The following TRANK1 variants were observed in gnomAD, a reference collection of about 807,000 sequenced individuals.
TRANK1 encodes the protein TPR and ankyrin repeat-containing protein 1.
Under a neutral mutation model 266.0 loss-of-function variants are expected in TRANK1, and 198 were observed. The ratio of observed to expected loss-of-function variants is 0.74; its 90% CI spans 0.66 to 0.84. The LOEUF (loss-of-function observed/expected upper bound fraction) is 0.84. Among genes scored for constraint, TRANK1 ranks in the 40% least tolerant of loss-of-function variants. The pLI, the probability that TRANK1 is intolerant of heterozygous loss-of-function variation, is 0.00. For synonymous variants in TRANK1, 1,396 were observed against 1,384.1 expected, an observed-to-expected ratio of 1.01 and a Z score of -0.19; for missense variants, 3,326 against 3,634.6, an observed-to-expected ratio of 0.92 and a Z score of 2.18.
Position 36,832,492 on chromosome 3 carries a change from G to A in TRANK1, c.7091C>T (p.Ala2364Val), listed in dbSNP as rs2078710301. The A allele has an allele frequency of 6.2e-7, 1 of 1,613,910 alleles. No homozygotes were observed. Among genetic ancestry groups the A allele is most frequent in the African/African-American group, 1.3e-5 (1 of 74,986 alleles). Residue 2364 changes from alanine to valine, a missense_variant, in exon 22 of 24, where the codon GCT becomes GTT. Physicochemically the swap from Ala to Val is moderately conservative, Grantham distance 64. Transcript: ENST00000645898. ...EEDNYNRELKALESEKDERGR... is the reference protein window; with the variant it reads ...EEDNYNRELKVLESEKDERGR... ...CCTTTCATCCTTTTCAGACTCTAGA[G>A]CTTTGAGTTCCCTGTTGTAGTTGTC...
At chr3:36,914,642 T>C (rs773596418) in intron 1 of TRANK1, among the ~76,000 whole-genome samples, 1 of 152,054 alleles carries the variant, frequency 6.6e-6, no homozygotes, top group Admixed American at 6.5e-5. Context: ...TATTTATTTA[T>C]TTATTTATTT....
chr3:36,849,712 A>G (rs1329421663), intron 15 of TRANK1, among the ~76,000 whole-genome samples: 1 of 152,206 alleles, frequency 6.6e-6, no homozygotes, highest in Non-Finnish European at 1.5e-5. Flanking sequence ...GATATATGGG[A>G]CCTGTCTTTC....
At position 36,856,580 on chromosome 3, in the gene TRANK1, C is replaced by T; in HGVS notation, c.3142G>A (p.Val1048Met). Residue 1048 changes from valine (V) to methionine (M), a missense_variant, in exon 13 of 24, where the codon GTG becomes ATG. By Grantham distance (21) the Val-to-Met change is conservative. Coordinates refer to ENST00000645898, the MANE Select transcript of TRANK1 (RefSeq NM_001329998.2). The part of the protein sequence containing the change: ...FNILNDTTAT[V>M]EYPFRVGELE... ...TCACCCACCCGGAAGGGGTACTCCA[C>T]TGTGGCTGTCGTGTCATTGAGGATG... 6.2e-7 allele frequency: 1 copy of T among 1,614,040 alleles called. No homozygotes were observed. Among genetic ancestry groups the T allele is most frequent in the Non-Finnish European group, 8.5e-7 (1 of 1,179,902 alleles).
chr3:36,944,953 G>A lies in TRANK1; in HGVS notation c.-144C>T. On this transcript the variant is annotated 5_prime_UTR_variant, in exon 1 of 24. Transcript: ENST00000645898. ...GCGCGATGCAGAGGCGGCGTTCGGG[G>A]GCCCCCAGCTGCCTGCGGCTCGGCT... 1 of 857,938 alleles carries A rather than the reference G, an allele frequency of 1.2e-6. No homozygotes were observed. The highest frequency in any genetic ancestry group is 1.6e-6 in the Non-Finnish European group (1 of 619,158). The allele number at this position is 857,938 out of a possible 1,614,324, so 53.1% of individuals were successfully genotyped here.
chr3:36,890,781 G>A (rs2079681058), intron 7 of TRANK1, among the ~76,000 whole-genome samples: 3 of 152,148 alleles, frequency 2.0e-5, no homozygotes, highest in Admixed American at 2.0e-4. Context: ...CTCTTTGGAT[G>A]CCAATTTGTC....
In TRANK1 at chr3:36,861,047, C is replaced by A. The variant is rs2079135624; in HGVS notation, c.1354G>T (p.Val452Leu). ...TCCCCAAGCGGTGGTTCTCCACTTA[C>A]TTTGCGGGTCAGCAGCAGAAGCACC... is the stretch of plus-strand genomic sequence containing the variant. ...PEVLLLLTRK[V>L]SGEPPLGDCL... The change falls in exon 11 of 24, where the codon GTA (valine) becomes TTA (leucine). Residue 452 changes from valine to leucine, a missense_variant. Physicochemically the swap from Val to Leu is conservative, Grantham distance 32. Transcript: ENST00000645898. The A allele has an allele frequency of 6.5e-6, 10 of 1,537,734 alleles. No individual in the cohort carries two copies. The highest frequency in any genetic ancestry group is 1.7e-4 in the Middle Eastern group (1 of 6,018).
chr3:36,848,842 C>A (rs1220517161), intron 15 of TRANK1, among the ~76,000 whole-genome samples: 1 of 152,118 alleles, frequency 6.6e-6, no homozygotes, highest in Non-Finnish European at 1.5e-5. Flanking sequence ...TGAGAGGATC[C>A]TCCTGGCAGG....
chr3:36,851,580 C>T, intron 15 of TRANK1, 139 bp downstream of exon 15: 1 of 1,257,462 alleles, frequency 8.0e-7, no homozygotes, highest in Non-Finnish European at 1.1e-6. Context: ...AAACCTCATA[C>T]TGAATGAATG....
At chr3:36,917,901 G>A (rs2080148545) in intron 1 of TRANK1, among the ~76,000 whole-genome samples, 1 of 152,150 alleles carries the variant, frequency 6.6e-6, no homozygotes, top group African/African-American at 2.4e-5. Flanking sequence ...AGCTAGATTA[G>A]CTAAAAGTCT....
Position 36,828,376 on chromosome 3 carries a change from C to A in TRANK1, c.8810-1G>T. On this transcript the variant is annotated splice_acceptor_variant, in intron 23 of 23. Transcript: ENST00000645898. LOFTEE classifies it high-confidence loss of function. ...TCATAATCATCTTCCTGAACAATAC[C>A]TGAAGAAAGAAAGAAGGAAGGAAGG... The A allele has an allele frequency of 1.5e-6, 2 of 1,340,202 alleles. No homozygotes were observed. The highest frequency in any genetic ancestry group is 2.0e-6 in the Non-Finnish European group (2 of 1,004,214). 83.0% of individuals were successfully genotyped at this position (1,340,202 alleles called of 1,614,324 possible).
intron 20 of TRANK1, among the ~76,000 whole-genome samples, chr3:36,837,341 T>C (rs577595639): frequency 5.4e-4 from 82 of 152,276 alleles, no homozygotes; most frequent in African/African-American, 1.9e-3. Context: ...GTAGGCAGCA[T>C]CTGGAGGGCC....
intron 1 of TRANK1, among the ~76,000 whole-genome samples, chr3:36,916,936 C>T (rs2080134811): frequency 6.6e-6 from 1 of 152,062 alleles, no homozygotes. Context: ...CTGCCTCAGC[C>T]TCCCAGGTAG....
chr3:36,855,656 C>A lies in TRANK1; in HGVS notation c.4066G>T (p.Gly1356Cys). The change falls in exon 13 of 24, where the codon GGT becomes TGT. Residue 1356 changes from glycine to cysteine, a missense_variant. Coordinates refer to ENST00000645898, the MANE Select transcript of TRANK1 (RefSeq NM_001329998.2). ...GGACAGCTGAGGGCCTCAAAAGAAC[C>A]CTTTAGAAAAGATTTTATTTCTTTC... is the stretch of plus-strand genomic sequence containing the variant. ...IWKEIKSFLK[G>C]SFEALSCPHG... The A allele has an allele frequency of 6.2e-7, 1 of 1,613,850 alleles. No individual in the cohort carries two copies. The highest frequency in any genetic ancestry group is 2.2e-5 in the East Asian group (1 of 44,866).
intron 1 of TRANK1, among the ~76,000 whole-genome samples, chr3:36,932,814 A>G (rs1265087577): frequency 6.6e-6 from 1 of 152,164 alleles, no homozygotes; most frequent in Admixed American, 6.5e-5. Flanking sequence ...GAACTATGAG[A>G]GAGTACATTT....
rs1553624280 is a variant in TRANK1 at position 36,879,703 on chromosome 3, A to AATATAAATATATAAATATATAAATAT, written c.908-5433_908-5408dup. On this transcript the variant is annotated intron_variant, in intron 8 of 23. Transcript: ENST00000645898. ...ATAAATATATAAATATATAAATATA[A>AATATAAATATATAAATATATAAATAT]ATATAAATATATAAATATATAAATA... 4.2e-4 allele frequency among the ~76,000 whole-genome samples: 25 copies of AATATAAATATATAAATATATAAATAT among 59,890 alleles called. 3 individuals are homozygous for AATATAAATATATAAATATATAAATAT. Among genetic ancestry groups the AATATAAATATATAAATATATAAATAT allele is most frequent in the Non-Finnish European group, 5.1e-4 (18 of 35,206 alleles). 39.3% of individuals were successfully genotyped at this position (59,890 alleles called of 152,430 possible).
chr3:36,927,409 C>T (rs2080303211), intron 1 of TRANK1, among the ~76,000 whole-genome samples: 1 of 152,228 alleles, frequency 6.6e-6, no homozygotes, highest in South Asian at 2.1e-4. Flanking sequence ...GTCCAGGACA[C>T]ATAGCCCTCC....
chr3:36,872,749 T>C (rs894756563), intron 9 of TRANK1, among the ~76,000 whole-genome samples: 3 of 152,100 alleles, frequency 2.0e-5, no homozygotes, highest in African/African-American at 7.2e-5. Context: ...ATCCATTTAA[T>C]AGCAGTGGCA....
intron 1 of TRANK1, among the ~76,000 whole-genome samples, chr3:36,918,598 GGAAGGAAGGAAAGAAAGAAA>G (rs2080168533): frequency 1.2e-4 from 7 of 60,472 alleles, no homozygotes; most frequent in Admixed American, 3.9e-4. Flanking sequence ...AAGGAAGGAA[GGAAGGAAGGAAAGAAAGAAA>G]GAAAGAAAGA....
rs998980335 is a variant in TRANK1, at chr3:36,879,812, G to A, written c.908-5516C>T. ...TAAATATATAAATATACAAATATAT[G>A]TAAATATACAAATATATGTAAATAT... On this transcript the variant is annotated intron_variant, in intron 8 of 23. Transcript: ENST00000645898. Among the ~76,000 whole-genome samples the A allele has an allele frequency of 6.4e-4, 55 of 86,354 alleles. 2 individuals are homozygous for A. Among genetic ancestry groups the A allele is most frequent in the Admixed American group, 1.3e-3 (11 of 8,490 alleles). The allele number at this position is 86,354 out of a possible 152,430, so 56.7% of individuals were successfully genotyped here.
Sources: gnomAD v4.1 joint callset for allele counts (sites outside exome capture counted in the v4.1 genomes callset) on GRCh38, gnomAD v4.1.1 for gene constraint, MANE v1.5 for transcripts, NCBI Gene and HGNC (gene_info 2026-07-23, HGNC 2026-07-21) for gene names.